HORMAD2: variants seen among roughly 807,000 people sequenced by gnomAD.
HORMAD2 encodes the protein HORMA domain containing 2, also known as HORMA domain-containing protein 2.
In HORMAD2, 45 loss-of-function variants were observed where a neutral mutation model predicts 38.8. The ratio of observed to expected loss-of-function variants is 1.16; its 90% CI spans 0.91 to 1.49. The LOEUF (loss-of-function observed/expected upper bound fraction) is 1.49, where lower values mean the gene tolerates loss of function less well. Ranked by LOEUF, HORMAD2 falls within the 40% of genes most tolerant of loss-of-function variation. The pLI is 0.00. For synonymous variants in HORMAD2, 126 were observed against 122.8 expected, an observed-to-expected ratio of 1.03 and a Z score of -0.17; for missense variants, 338 against 367.0, an observed-to-expected ratio of 0.92 and a Z score of 0.65.
intron 10 of HORMAD2, among the ~76,000 whole-genome samples, chr22:30,124,313 A>T (rs879362545): frequency 1.3e-5 from 2 of 151,878 alleles, no homozygotes; most frequent in Non-Finnish European, 2.9e-5. Context: ...GTGTATACAT[A>T]TGTAGAATCT....
the HORMAD2 span, among the ~76,000 whole-genome samples, chr22:30,193,137 C>T: frequency 6.6e-6 from 1 of 152,136 alleles, no homozygotes; most frequent in Admixed American, 6.5e-5. Context: ...AAATCAACTT[C>T]TCAAAAAGCA....
intron 10 of HORMAD2, among the ~76,000 whole-genome samples, chr22:30,146,162 A>G (rs930075601): frequency 1.3e-5 from 2 of 152,216 alleles, no homozygotes; most frequent in African/African-American, 2.4e-5. Context: ...GAAAAAAAGT[A>G]TTCAATAAAA....
intron 10 of HORMAD2, among the ~76,000 whole-genome samples, chr22:30,156,137 C>T (rs1925059656): frequency 6.6e-6 from 1 of 152,240 alleles, no homozygotes; most frequent in Non-Finnish European, 1.5e-5. Flanking sequence ...TTGCCCTCCT[C>T]ACACTGCACA....
At chr22:30,079,748 C>T (rs1367977712), upstream of HORMAD2, among the ~76,000 whole-genome samples, 1 of 151,902 alleles carries the variant, frequency 6.6e-6, no homozygotes, top group African/African-American at 2.4e-5. Flanking sequence ...GGCGGAATCT[C>T]GGCTCACTGC....
At chr22:30,103,264 A>G (rs1463385963) in intron 3 of HORMAD2, among the ~76,000 whole-genome samples, 173 bp from the exon 4 acceptor site, 1 of 152,224 alleles carries the variant, frequency 6.6e-6, no homozygotes, top group Non-Finnish European at 1.5e-5. Context: ...ACTTCTTAAC[A>G]TAGGATTTAT....
chr22:30,194,137 G>A, the HORMAD2 span, among the ~76,000 whole-genome samples: 2,882 of 152,302 alleles, frequency 0.019, 91 homozygotes, highest in African/African-American at 0.065. Flanking sequence ...GTATTGTCAT[G>A]TCTCTTACCT....
intron 1 of HORMAD2, among the ~76,000 whole-genome samples, chr22:30,084,910 C>A (rs933446713): frequency 6.6e-6 from 1 of 152,088 alleles, no homozygotes; most frequent in African/African-American, 2.4e-5. Context: ...ATTTGGGAGG[C>A]CGAGGCGGGC....
chr22:30,134,663 G>A (rs1035583606), intron 10 of HORMAD2, among the ~76,000 whole-genome samples: 1 of 150,490 alleles, frequency 6.6e-6, no homozygotes, highest in Admixed American at 6.6e-5. Flanking sequence ...ATAATCTCGT[G>A]TGTGTACCAA....
chr22:30,122,083 A>C lies in HORMAD2; in HGVS notation c.688A>C (p.Met230Leu), dbSNP rs1476834489. ...ATTTGTCTCCACTGGCTTTCATAGC[A>C]TGAAAGTAAAAGTCATGACAGAGGC... ...VGFVSTGFHS[M>L]KVKVMTEATK... Residue 230 changes from methionine to leucine, a missense_variant, in exon 10 of 11, where the codon ATG (methionine) becomes CTG (leucine). Physicochemically the swap from Met to Leu is conservative, Grantham distance 15. Coordinates refer to ENST00000336726, the MANE Select transcript of HORMAD2 (RefSeq NM_152510.4). 1.2e-6 allele frequency: 2 copies of C among 1,613,812 alleles called. No homozygotes were observed. The highest frequency in any genetic ancestry group is 2.7e-5 in the African/African-American group (2 of 75,046).
intron 5 of HORMAD2, among the ~76,000 whole-genome samples, chr22:30,111,536 A>C (rs773317747): frequency 6.6e-6 from 1 of 152,140 alleles, no homozygotes; most frequent in Non-Finnish European, 1.5e-5. Flanking sequence ...AAACCCAGAT[A>C]TGGAAGGCTG....
At chr22:30,130,716 G>A (rs567407745) in intron 10 of HORMAD2, among the ~76,000 whole-genome samples, 6 of 148,468 alleles carry the variant, frequency 4.0e-5, no homozygotes, top group South Asian at 2.2e-4. Flanking sequence ...TCAGCCACCC[G>A]AGTAACTGGG....
At chr22:30,132,199 A>T (rs1011659828) in intron 10 of HORMAD2, among the ~76,000 whole-genome samples, 1 of 152,198 alleles carries the variant, frequency 6.6e-6, no homozygotes, top group Non-Finnish European at 1.5e-5. Flanking sequence ...AGTGTTGGCA[A>T]GAATATCTCA....
At chr22:30,086,230 G>A (rs747309482) in intron 1 of HORMAD2, among the ~76,000 whole-genome samples, 1 of 152,120 alleles carries the variant, frequency 6.6e-6, no homozygotes, top group Non-Finnish European at 1.5e-5. Flanking sequence ...AGTTTCCTGA[G>A]GTCTCCCCAG....
intron 1 of HORMAD2, among the ~76,000 whole-genome samples, chr22:30,084,364 A>G (rs2068533895): frequency 6.6e-6 from 1 of 152,168 alleles, no homozygotes; most frequent in Admixed American, 6.5e-5. Flanking sequence ...CTCTCCTGAT[A>G]ATGAACCTGC....
intron 2 of HORMAD2, among the ~76,000 whole-genome samples, chr22:30,098,202 A>G (rs980759856): frequency 3.3e-5 from 5 of 152,178 alleles, no homozygotes; most frequent in Non-Finnish European, 7.3e-5. Flanking sequence ...TCCTTTTTGT[A>G]TAGGCTGTAG....
At chr22:30,104,715 G>A (rs1321167846) in intron 5 of HORMAD2, 1 of 285,514 alleles carries the variant, frequency 3.5e-6, no homozygotes, top group Non-Finnish European at 6.4e-6. Context: ...TGTGGGACAG[G>A]AGAGACAAGA....
rs71198524 is a variant in HORMAD2 at position 30,103,649 on chromosome 22, ATTTTTTTTTTTTTTTTT to A, written c.257+164_257+180del. 5.6e-4 allele frequency: 42 copies of A among 75,298 alleles called. 1 individual carries two copies. Among genetic ancestry groups the A allele is most frequent in the Middle Eastern group, 7.5e-3 (1 of 134 alleles). The allele number at this position is 75,298 out of a possible 1,614,324, so 4.7% of individuals were successfully genotyped here. Reference sequence around the variant, plus strand: ...CTTTCTTTTTCTTTTTCTGTTTTTGATTTTTTTTTTTTTTTTTTTTTTTTTTTTTTTGAGATGGAGTC... The same window carrying A: ...CTTTCTTTTTCTTTTTCTGTTTTTGATTTTTTTTTTTTTTGAGATGGAGTC... On this transcript the variant is annotated intron_variant, in intron 4 of 10. Coordinates refer to ENST00000336726, the MANE Select transcript of HORMAD2 (RefSeq NM_152510.4).
chr22:30,113,535 GC>G (rs1921819268), intron 7 of HORMAD2, among the ~76,000 whole-genome samples: 1 of 152,088 alleles, frequency 6.6e-6, no homozygotes, highest in South Asian at 2.1e-4. Context: ...AGCATGTCTG[GC>G]CCAGATTGTG....
chr22:30,103,221 A>G (rs1360096576), intron 3 of HORMAD2, among the ~76,000 whole-genome samples: 2 of 152,190 alleles, frequency 1.3e-5, no homozygotes, highest in Non-Finnish European at 2.9e-5. Flanking sequence ...GAAGGGGGAA[A>G]ATCCTTACTG....
Sources: allele counts gnomAD v4.1 joint callset (sites outside exome capture counted in the v4.1 genomes callset), GRCh38; gene constraint gnomAD v4.1.1; transcripts MANE v1.5; gene names NCBI Gene and HGNC (gene_info 2026-07-23, HGNC 2026-07-21).